FCHSD2: variants seen among roughly 807,000 people sequenced by gnomAD.
FCHSD2 encodes FCH and double SH3 domains 2.
A neutral mutation model predicts 108.1 loss-of-function variants in FCHSD2; 38 were observed. That is an observed-to-expected ratio of 0.35 (90% CI 0.27 to 0.46). FCHSD2 has a LOEUF of 0.46. FCHSD2 is among the 20% of genes least tolerant of loss of function. The pLI, the probability that FCHSD2 is intolerant of heterozygous loss-of-function variation, is 1.00. For missense variants in FCHSD2, 751 were observed against 897.8 expected (o/e 0.84, Z 2.09); for synonymous variants, 279 against 314.7 (o/e 0.89, Z 1.20).
intron 12 of FCHSD2, among the ~76,000 whole-genome samples, chr11:72,869,272 T>C (rs990392483): frequency 1.3e-5 from 2 of 152,188 alleles, no homozygotes; most frequent in African/African-American, 4.8e-5. Context: ...AAGGCTTTTT[T>C]CCCTCAAATT....
At chr11:72,916,300 C>CTTTT (rs889180267) in intron 9 of FCHSD2, among the ~76,000 whole-genome samples, 4 of 120,244 alleles carry the variant, frequency 3.3e-5, no homozygotes, top group African/African-American at 9.2e-5. Context: ...TGGTACACAA[C>CTTTT]TTTTTTTTTT....
intron 3 of FCHSD2, among the ~76,000 whole-genome samples, chr11:73,078,722 G>A (rs1199083094): frequency 6.6e-6 from 1 of 151,894 alleles, no homozygotes; most frequent in Admixed American, 6.6e-5. Context: ...GGGGATAGGG[G>A]ATTGTTCTTT....
chr11:73,052,367 C>CAATG (rs1303056227), intron 3 of FCHSD2, among the ~76,000 whole-genome samples: 1 of 151,956 alleles, frequency 6.6e-6, no homozygotes, highest in Admixed American at 6.6e-5. Flanking sequence ...GAGTGTAAAT[C>CAATG]AATGCATTGT....
intron 3 of FCHSD2, among the ~76,000 whole-genome samples, chr11:73,082,108 T>C (rs756984317): frequency 3.3e-5 from 5 of 151,548 alleles, no homozygotes; most frequent in African/African-American, 1.2e-4. Context: ...GAGGCCGAGG[T>C]AGGCGGATCA....
At chr11:73,059,793 C>T (rs1198842296) in intron 3 of FCHSD2, among the ~76,000 whole-genome samples, 1 of 151,984 alleles carries the variant, frequency 6.6e-6, no homozygotes, top group African/African-American at 2.4e-5. Context: ...GGATTCTCAT[C>T]CCAAGACAAT....
intron 2 of FCHSD2, among the ~76,000 whole-genome samples, chr11:73,112,846 A>T (rs1565096325): frequency 1.3e-5 from 2 of 152,224 alleles, no homozygotes; most frequent in East Asian, 3.9e-4. Flanking sequence ...TAGTATTTTT[A>T]GTAGAGATGG....
Position 72,841,463 on chromosome 11 carries a change from A to T in FCHSD2, c.2047T>A (p.Ser683Thr), listed in dbSNP as rs1278133133. The T allele has an allele frequency of 6.2e-7, 1 of 1,610,276 alleles. No individual in the cohort carries two copies. The highest frequency in any genetic ancestry group is 8.5e-7 in the Non-Finnish European group (1 of 1,178,476). Residue 683 changes from serine to threonine, a missense_variant, in exon 18 of 20, where the codon TCA (serine) becomes ACA (threonine). Coordinates refer to ENST00000409418, the MANE Select transcript of FCHSD2 (RefSeq NM_014824.3). The stretch of plus-strand genomic sequence containing the variant: ...CCAGGAGAACCCTTACCGTTTGCTG[A>T]AGGAGACCGGGGAAAGTACAGGGAG... ...RSSLYFPRSP[S>T]ANEKSLHAES...
At chr11:72,950,485 T>C (rs1856601537) in intron 8 of FCHSD2, among the ~76,000 whole-genome samples, 1 of 151,974 alleles carries the variant, frequency 6.6e-6, no homozygotes. Flanking sequence ...CTTTGATTCA[T>C]TTTGAATTAA....
intron 8 of FCHSD2, among the ~76,000 whole-genome samples, chr11:72,960,164 T>A (rs1465050195): frequency 6.6e-6 from 1 of 152,032 alleles, no homozygotes; most frequent in Non-Finnish European, 1.5e-5. Context: ...ACAGTCATAG[T>A]GGAAGGCGAA....
At chr11:72,890,500 C>T (rs926147288) in intron 10 of FCHSD2, among the ~76,000 whole-genome samples, 3 of 152,160 alleles carry the variant, frequency 2.0e-5, no homozygotes, top group African/African-American at 7.2e-5. Flanking sequence ...TTTGCTCTTT[C>T]TCCAGGCTTC....
chr11:73,033,960 TATC>T lies in FCHSD2; in HGVS notation c.166-18078_166-18076del, dbSNP rs763291151. Among the ~76,000 whole-genome samples, 91 of 152,342 alleles carry T rather than the reference TATC, an allele frequency of 6.0e-4. 1 individual carries two copies. Among genetic ancestry groups the T allele is most frequent in the Admixed American group, 1.8e-3 (28 of 15,302 alleles). ...AATGTTGTTTTAAAGAAATTTTATT[TATC>T]ATGTTATTACGAATAGAAATCATGA... On this transcript the variant is annotated intron_variant, in intron 3 of 19. Transcript: ENST00000409418.
At chr11:72,852,630 T>C (rs956298231) in intron 13 of FCHSD2, among the ~76,000 whole-genome samples, 3 of 151,744 alleles carry the variant, frequency 2.0e-5, no homozygotes, top group African/African-American at 7.3e-5. Context: ...TGCCAGTGCA[T>C]TGCAGCCTGG....
intron 3 of FCHSD2, among the ~76,000 whole-genome samples, chr11:73,081,536 T>G (rs1179327296): frequency 1.3e-5 from 2 of 150,922 alleles, no homozygotes; most frequent in Admixed American, 6.6e-5. Flanking sequence ...TTTTTTCTAT[T>G]TTTTTTTTAG....
Position 72,898,746 on chromosome 11 carries a change from T to A in FCHSD2, c.924+3797A>T, listed in dbSNP as rs199886576. ...TCTTTCTATTTTTTTTTTTTTTTTT[T>A]AAAGACAGGGTCTTGCTCTGTCACC... On this transcript the variant is annotated intron_variant, in intron 10 of 19. Coordinates refer to ENST00000409418, the MANE Select transcript of FCHSD2 (RefSeq NM_014824.3). Among the ~76,000 whole-genome samples, 5 of 98,022 alleles carry A rather than the reference T, an allele frequency of 5.1e-5. No homozygotes were observed. In the South Asian group the frequency reaches 1.3e-3, roughly 26 times the overall value. 64.3% of individuals were successfully genotyped at this position (98,022 alleles called of 152,430 possible).
intron 12 of FCHSD2, among the ~76,000 whole-genome samples, chr11:72,887,076 A>AAT (rs139077318): frequency 0.078 from 11,586 of 149,354 alleles, 566 homozygotes; most frequent in South Asian, 0.16. Context: ...AAGCTCTGAA[A>AAT]ATATATATAT....
At chr11:72,890,050 C>G (rs564422477) in intron 10 of FCHSD2, 105 bp from the exon 11 acceptor site, 12 of 669,092 alleles carry the variant, frequency 1.8e-5, no homozygotes, top group Non-Finnish European at 2.9e-5. Flanking sequence ...GCACTCAAAA[C>G]ATGAGGCACG....
At chr11:72,899,071 C>A (rs1006772039) in intron 10 of FCHSD2, among the ~76,000 whole-genome samples, 4 of 152,104 alleles carry the variant, frequency 2.6e-5, no homozygotes, top group African/African-American at 9.7e-5. Flanking sequence ...GTTTCCTCAA[C>A]TGTAAAAGAA....
At chr11:73,118,984 T>G (rs187097697) in intron 2 of FCHSD2, among the ~76,000 whole-genome samples, 1 of 152,180 alleles carries the variant, frequency 6.6e-6, no homozygotes, top group South Asian at 2.1e-4. Context: ...AAATAAATAA[T>G]TAATTTTTGT....
chr11:73,129,057 G>A (rs1860927037), intron 2 of FCHSD2, among the ~76,000 whole-genome samples: 1 of 151,750 alleles, frequency 6.6e-6, no homozygotes. Flanking sequence ...ATTTTTAGTA[G>A]AGACGAGATT....
Sources: gnomAD v4.1 joint callset for allele counts (sites outside exome capture counted in the v4.1 genomes callset) on GRCh38, gnomAD v4.1.1 for gene constraint, MANE v1.5 for transcripts, NCBI Gene and HGNC (gene_info 2026-07-23, HGNC 2026-07-21) for gene names.